The following ATXN1 variants were observed in gnomAD, a reference collection of about 807,000 sequenced individuals.
ATXN1 encodes the protein ataxin 1, also known as ataxin-1.
Under a neutral mutation model 56.4 loss-of-function variants are expected in ATXN1, and 8 were observed. The observed-to-expected ratio is 0.14, with a 90% CI of 0.08 to 0.26. ATXN1 has a LOEUF of 0.26. Ranked by LOEUF, ATXN1 falls within the 10% of genes least tolerant of loss-of-function variation. ATXN1 has a pLI of 1.00. For synonymous variants in ATXN1, 514 were observed against 494.6 expected (o/e 1.04, Z -0.52); for missense variants, 987 against 1,106.5 (o/e 0.89, Z 1.53).
At chr6:16,467,646 A>T (rs1760134369) in intron 6 of ATXN1, among the ~76,000 whole-genome samples, 1 of 152,190 alleles carries the variant, frequency 6.6e-6, no homozygotes, top group Non-Finnish European at 1.5e-5. Flanking sequence ...TTTGTTTTCC[A>T]TTCTTTTCTA....
intron 2 of ATXN1, among the ~76,000 whole-genome samples, chr6:16,752,705 A>T (rs1760759805): frequency 6.6e-6 from 1 of 152,080 alleles, no homozygotes; most frequent in Non-Finnish European, 1.5e-5. Flanking sequence ...CATTGCATAC[A>T]CCCTATGTCT....
At chr6:16,383,802 G>T (rs1260608225) in intron 6 of ATXN1, among the ~76,000 whole-genome samples, 1 of 152,200 alleles carries the variant, frequency 6.6e-6, no homozygotes, top group Non-Finnish European at 1.5e-5. Context: ...AACACACAAA[G>T]AAATGATTAA....
At chr6:16,517,023 G>A (rs910684449) in intron 5 of ATXN1, among the ~76,000 whole-genome samples, 19 of 152,136 alleles carry the variant, frequency 1.2e-4, no homozygotes, top group African/African-American at 3.9e-4. Context: ...TTCCCAATAC[G>A]TAATAACAAT....
chr6:16,385,390 G>T (rs1462131961), intron 6 of ATXN1, among the ~76,000 whole-genome samples: 1 of 152,230 alleles, frequency 6.6e-6, no homozygotes, highest in East Asian at 1.9e-4. Flanking sequence ...ATGCCACTGA[G>T]CTGTCATCAG....
At chr6:16,412,121 T>A (rs1238357867) in intron 6 of ATXN1, among the ~76,000 whole-genome samples, 1 of 152,202 alleles carries the variant, frequency 6.6e-6, no homozygotes, top group Non-Finnish European at 1.5e-5. Context: ...ATGAAATTAA[T>A]ATAAATGTTG....
intron 2 of ATXN1, among the ~76,000 whole-genome samples, chr6:16,663,643 ATTTTTTATTTATTTAT>A (rs571349384): frequency 1.3e-4 from 18 of 136,644 alleles, no homozygotes; most frequent in African/African-American, 4.7e-4. Context: ...ATGTTTTTTA[ATTTTTTATTTATTTAT>A]TTATTTATTT....
At chr6:16,465,163 A>G (rs557091269) in intron 6 of ATXN1, among the ~76,000 whole-genome samples, 1 of 152,344 alleles carries the variant, frequency 6.6e-6, no homozygotes, top group South Asian at 2.1e-4. Context: ...AAGTGGAATT[A>G]ATCAGGCAAG....
At chr6:16,500,738 TAAAAAAAAAA>T (rs1167731131) in intron 5 of ATXN1, among the ~76,000 whole-genome samples, 1 of 84,616 alleles carries the variant, frequency 1.2e-5, no homozygotes, top group Non-Finnish European at 2.5e-5. Flanking sequence ...TTCATTATGA[TAAAAAAAAAA>T]AAAAAAAAAA....
At chr6:16,635,870 GCGA>G (rs67169180) in intron 3 of ATXN1, among the ~76,000 whole-genome samples, 63,399 of 151,736 alleles carry the variant, frequency 0.42, 14,663 homozygotes, top group Non-Finnish European at 0.52. Context: ...CAAACACAAA[GCGA>G]CGACGCCCAC....
Position 16,751,491 on chromosome 6 carries a change from C to T in ATXN1, c.-615+1742G>A, listed in dbSNP as rs114763167. ...ACTTTTTTGGCTGTTTTTCCTGAGGCATAATACTTCAGTCACTCAGGTTTT... is the reference window on the plus strand; with the variant it reads ...ACTTTTTTGGCTGTTTTTCCTGAGGTATAATACTTCAGTCACTCAGGTTTT... On this transcript the variant is annotated intron_variant, in intron 2 of 7. Coordinates refer to ENST00000436367, the MANE Select transcript of ATXN1 (RefSeq NM_001128164.2). 2.6e-3 allele frequency among the ~76,000 whole-genome samples: 395 copies of T among 152,184 alleles called. 3 individuals carry two copies. Among genetic ancestry groups the T allele is most frequent in the African/African-American group, 9.0e-3 (373 of 41,518 alleles).
chr6:16,544,431 A>T (rs1172130496), intron 4 of ATXN1, among the ~76,000 whole-genome samples: 1 of 152,174 alleles, frequency 6.6e-6, no homozygotes, highest in Non-Finnish European at 1.5e-5. Flanking sequence ...ATGAGCCTGC[A>T]ATCCTTCCTA....
chr6:16,616,864 C>T (rs910004276), intron 3 of ATXN1, among the ~76,000 whole-genome samples: 7 of 151,206 alleles, frequency 4.6e-5, no homozygotes, highest in Non-Finnish European at 8.8e-5. Flanking sequence ...AATTTGCTGT[C>T]TGAAAATAGG....
At chr6:16,526,167 C>A (rs1761391459) in intron 4 of ATXN1, among the ~76,000 whole-genome samples, 1 of 150,954 alleles carries the variant, frequency 6.6e-6, no homozygotes, top group Non-Finnish European at 1.5e-5. Flanking sequence ...CCTTTAACAT[C>A]AATAGATGTA....
At chr6:16,689,521 CTTTTTTTTTT>C (rs11374047) in intron 2 of ATXN1, among the ~76,000 whole-genome samples, 2 of 105,206 alleles carry the variant, frequency 1.9e-5, no homozygotes, top group South Asian at 6.4e-4. Flanking sequence ...TTTTTTTTTT[CTTTTTTTTTT>C]TTTTGTAGAG....
Position 16,327,858 on chromosome 6 carries a change from G to A in ATXN1, c.453C>T (p.Thr151=), listed in dbSNP as rs139175810. The part of the protein sequence containing the change: ...SFIPSQLIPP[T]ANPVTSAVAS... ...CCACTGCACTGGTGACGGGGTTGGC[G>A]GTTGGGGGGATCAGCTGTGATGGGA... Residue 151 remains threonine, a synonymous_variant, in exon 7 of 8, where the codon ACC becomes ACT. Transcript: ENST00000436367. The A allele has an allele frequency of 1.5e-4, 242 of 1,607,678 alleles. 4 individuals are homozygous for A. The highest frequency in any genetic ancestry group is 1.8e-4 in the South Asian group (16 of 91,086).
At chr6:16,580,752 C>T (rs1041955409) in intron 4 of ATXN1, among the ~76,000 whole-genome samples, 11 of 152,262 alleles carry the variant, frequency 7.2e-5, no homozygotes, top group East Asian at 3.9e-4. Context: ...TTAAAAGCTA[C>T]GCCTACATAT....
intron 5 of ATXN1, among the ~76,000 whole-genome samples, chr6:16,503,157 C>T (rs932769579): frequency 3.3e-5 from 5 of 152,148 alleles, no homozygotes; most frequent in African/African-American, 1.2e-4. Flanking sequence ...AGGCTACTTA[C>T]ACTATCTAGT....
intron 2 of ATXN1, among the ~76,000 whole-genome samples, chr6:16,748,440 T>C (rs1760604278): frequency 6.6e-6 from 1 of 152,010 alleles, no homozygotes; most frequent in African/African-American, 2.4e-5. Context: ...GGGCTGAGAG[T>C]GTAGACTGGG....
chr6:16,367,340 TC>T (rs1365058035), intron 6 of ATXN1, among the ~76,000 whole-genome samples: 2,746 of 91,946 alleles, frequency 0.03, 94 homozygotes, highest in African/African-American at 0.077. Context: ...TGTTTCTCTC[TC>T]TCTCTCTCTC....
Sources: gnomAD v4.1 joint callset for allele counts (sites outside exome capture counted in the v4.1 genomes callset) on GRCh38, gnomAD v4.1.1 for gene constraint, MANE v1.5 for transcripts, NCBI Gene and HGNC (gene_info 2026-07-23, HGNC 2026-07-21) for gene names.